ARHGAP26: variants seen among roughly 807,000 people sequenced by gnomAD.
ARHGAP26 encodes the protein Rho GTPase activating protein 26, also known as rho GTPase-activating protein 26.
ARHGAP26 carries 38 observed loss-of-function variants against 104.8 expected under a neutral mutation model. The observed-to-expected ratio is 0.36, with a 90% CI of 0.28 to 0.48. The LOEUF (loss-of-function observed/expected upper bound fraction) is 0.48. ARHGAP26 is among the 20% of genes least tolerant of loss of function. ARHGAP26 has a pLI of 0.99. For synonymous variants in ARHGAP26, 341 were observed against 340.0 expected (o/e 1.00, Z -0.03); for missense variants, 704 against 947.9 (o/e 0.74, Z 3.38).
At chr5:143,126,694 A>T (rs2150840713) in intron 18 of ARHGAP26, among the ~76,000 whole-genome samples, 1 of 152,240 alleles carries the variant, frequency 6.6e-6, no homozygotes, top group South Asian at 2.1e-4. Context: ...CCTATTAGTG[A>T]CTCCTTACCG....
At chr5:143,080,924 G>A (rs1295107302) in intron 17 of ARHGAP26, among the ~76,000 whole-genome samples, 1 of 151,678 alleles carries the variant, frequency 6.6e-6, no homozygotes, top group Non-Finnish European at 1.5e-5. Context: ...TAGTAGTGGT[G>A]GAAATGCTGA....
At chr5:142,959,567 C>T (rs1298507682) in intron 11 of ARHGAP26, among the ~76,000 whole-genome samples, 2 of 152,136 alleles carry the variant, frequency 1.3e-5, no homozygotes, top group African/African-American at 4.8e-5. Context: ...GGAGGCAGCG[C>T]CATGTTCCTC....
intron 20 of ARHGAP26, among the ~76,000 whole-genome samples, chr5:143,174,197 A>G (rs1803162012): frequency 1.3e-5 from 2 of 152,340 alleles, no homozygotes; most frequent in South Asian, 2.1e-4. Flanking sequence ...GTAACAATCT[A>G]TTGTTCAGTG....
intron 5 of ARHGAP26, 79 bp downstream of exon 5, chr5:142,885,478 C>T: frequency 7.6e-7 from 1 of 1,318,802 alleles, no homozygotes; most frequent in Non-Finnish European, 1.1e-6. Flanking sequence ...TTGCTCTTTG[C>T]TAGAAAATCT....
Position 143,037,265 on chromosome 5 carries a change from A to C in ARHGAP26, c.1210+4A>C, listed in dbSNP as rs1341204478. The C allele has an allele frequency of 1.3e-6, 2 of 1,594,196 alleles. No individual in the cohort carries two copies. The highest frequency in any genetic ancestry group is 2.7e-5 in the African/African-American group (2 of 74,650). On this transcript the variant is annotated splice_donor_region_variant and intron_variant, in intron 13 of 22. Coordinates refer to ENST00000645722, the MANE Select transcript of ARHGAP26 (RefSeq NM_001135608.3). ...ATCCATGCTGTGGAAACCAGAGGTA[A>C]AGTAGTTTAACAGATGGCATTGTTC...
At position 142,919,490 on chromosome 5, in the gene ARHGAP26, G is replaced by A. The variant is rs552870889; in HGVS notation, c.1028+6197G>A. 2.0e-5 allele frequency: 8 copies of A among 398,020 alleles called. No homozygotes were observed. The South Asian group carries it at 4.1e-4, about 20-fold the overall frequency. 24.7% of individuals were successfully genotyped at this position (398,020 alleles called of 1,614,324 possible). On this transcript the variant is annotated intron_variant, in intron 10 of 22. Coordinates refer to ENST00000645722, the MANE Select transcript of ARHGAP26 (RefSeq NM_001135608.3). ...GTTACGGCAGCCCCAGGAAATGAAC[G>A]CAGTTTGAATAGGGAGGGCCTTTCT...
intron 1 of ARHGAP26, among the ~76,000 whole-genome samples, chr5:142,783,504 G>A (rs889155305): frequency 2.0e-5 from 3 of 152,120 alleles, no homozygotes; most frequent in Non-Finnish European, 4.4e-5. Flanking sequence ...AAAACATTCA[G>A]GAAGCATAAT....
intron 11 of ARHGAP26, among the ~76,000 whole-genome samples, chr5:142,995,943 A>G (rs1256089534): frequency 6.6e-6 from 1 of 152,126 alleles, no homozygotes; most frequent in African/African-American, 2.4e-5. Flanking sequence ...GTTCTCACTT[A>G]TAAGTTGTGT....
At chr5:142,948,696 A>G (rs192014616) in intron 11 of ARHGAP26, among the ~76,000 whole-genome samples, 189 of 152,050 alleles carry the variant, frequency 1.2e-3, no homozygotes, top group African/African-American at 4.3e-3. Context: ...AGAAGGGGAT[A>G]TAAAGCAAGA....
At chr5:142,784,923 ATT>A (rs35315311) in intron 1 of ARHGAP26, among the ~76,000 whole-genome samples, 28 of 118,098 alleles carry the variant, frequency 2.4e-4, no homozygotes, top group Admixed American at 3.4e-4. Flanking sequence ...CTTCCTTAGG[ATT>A]TTTTTTTTTT....
rs1160915133 is a variant in ARHGAP26 at position 143,148,898 on chromosome 5, C to A, written c.1988+1517C>A. On this transcript the variant is annotated intron_variant, in intron 20 of 22. Coordinates refer to ENST00000645722, the MANE Select transcript of ARHGAP26 (RefSeq NM_001135608.3). ...ATTTCTAGCCCAAGTTGCTTAACATCCCCTGATTTTAGCCAGCCGCTACCA... is the reference window on the plus strand; with the variant it reads ...ATTTCTAGCCCAAGTTGCTTAACATACCCTGATTTTAGCCAGCCGCTACCA... Among the ~76,000 whole-genome samples the A allele has an allele frequency of 3.3e-5, 5 of 152,180 alleles. No individual in the cohort carries two copies. The East Asian group carries it at 9.6e-4, about 29-fold the overall frequency.
At chr5:142,948,234 A>G (rs920545456) in intron 11 of ARHGAP26, among the ~76,000 whole-genome samples, 3 of 152,124 alleles carry the variant, frequency 2.0e-5, no homozygotes, top group Non-Finnish European at 4.4e-5. Flanking sequence ...GTCTCAGGTC[A>G]GAAGGCTTAT....
intron 11 of ARHGAP26, among the ~76,000 whole-genome samples, chr5:142,999,174 C>A (rs1011107299): frequency 1.3e-5 from 2 of 152,128 alleles, no homozygotes; most frequent in African/African-American, 4.8e-5. Flanking sequence ...GATCCGGGTC[C>A]CACAGTAAGG....
chr5:143,046,072 T>G lies in ARHGAP26; in HGVS notation c.1285+4182T>G, dbSNP rs138938983. On this transcript the variant is annotated intron_variant, in intron 14 of 22. Transcript: ENST00000645722. Reference sequence around the variant, plus strand: ...CTGCTTGAACCCGGGAGGCGGAGGTTGCAGTGAGCCAGGACTGCGTCATTG... The same window carrying G: ...CTGCTTGAACCCGGGAGGCGGAGGTGGCAGTGAGCCAGGACTGCGTCATTG... Among the ~76,000 whole-genome samples, 331 of 152,212 alleles carry G rather than the reference T, an allele frequency of 2.2e-3. 4 individuals are homozygous for G. The highest frequency in any genetic ancestry group is 7.9e-3 in the African/African-American group (326 of 41,518).
intron 1 of ARHGAP26, among the ~76,000 whole-genome samples, chr5:142,771,850 C>G (rs1046871901): frequency 1.3e-5 from 2 of 152,198 alleles, no homozygotes; most frequent in African/African-American, 2.4e-5. Flanking sequence ...CAGAGAGTTT[C>G]TTTTTCTGGC....
chr5:142,822,150 C>T (rs1766323268), intron 1 of ARHGAP26, among the ~76,000 whole-genome samples: 1 of 152,200 alleles, frequency 6.6e-6, no homozygotes, highest in African/African-American at 2.4e-5. Context: ...TCTTCCTCTT[C>T]TTGCCTTTTG....
intron 11 of ARHGAP26, among the ~76,000 whole-genome samples, chr5:142,933,277 A>G (rs10214187): frequency 0.098 from 14,939 of 152,112 alleles, 1,831 homozygotes; most frequent in African/African-American, 0.28. Context: ...GCACATTTTT[A>G]CATGTTAGGC....
chr5:143,135,064 T>C (rs539474446), intron 19 of ARHGAP26, among the ~76,000 whole-genome samples: 2 of 152,308 alleles, frequency 1.3e-5, no homozygotes, highest in East Asian at 3.9e-4. Context: ...GTAAGGAAGG[T>C]AGACAAGTGA....
intron 12 of ARHGAP26, among the ~76,000 whole-genome samples, chr5:143,032,090 C>G (rs1001083305): frequency 6.6e-6 from 1 of 152,150 alleles, no homozygotes; most frequent in Non-Finnish European, 1.5e-5. Flanking sequence ...ACTTTGCTAC[C>G]CTAGCATGCT....
Sources: gnomAD v4.1 joint callset for allele counts (sites outside exome capture counted in the v4.1 genomes callset) on GRCh38, gnomAD v4.1.1 for gene constraint, MANE v1.5 for transcripts, NCBI Gene and HGNC (gene_info 2026-07-23, HGNC 2026-07-21) for gene names.